The following ZNF727 variants were observed in gnomAD, a reference collection of about 807,000 sequenced individuals.
The protein encoded by ZNF727 is putative zinc finger protein 727.
A neutral mutation model predicts 11.5 loss-of-function variants in ZNF727; 11 were observed. The observed-to-expected ratio is 0.95, with a 90% CI of 0.60 to 1.58. The LOEUF is 1.58. ZNF727 is among the 40% of genes most tolerant of loss of function. ZNF727 has a pLI of 0.00. For synonymous variants in ZNF727, 171 were observed against 196.1 expected (o/e 0.87, Z 1.07); for missense variants, 533 against 581.7 (o/e 0.92, Z 0.86).
At chr7:64,070,998 GTT>G (rs544738234) in intron 3 of ZNF727, among the ~76,000 whole-genome samples, 1 of 151,248 alleles carries the variant, frequency 6.6e-6, no homozygotes, top group Non-Finnish European at 1.5e-5. Context: ...TATATACCAT[GTT>G]TTTTTTTTGT....
At position 64,078,677 on chromosome 7, in the gene ZNF727, A is replaced by C; in HGVS notation, c.*128A>C. ...CCTACATTTGTGAAGAATGTGGCAA[A>C]GCCTTTATCCGCTCCTCAACCCTTA... On this transcript the variant is annotated 3_prime_UTR_variant, in exon 4 of 4. Transcript: ENST00000456806. 1 of 1,304,944 alleles carries C rather than the reference A, an allele frequency of 7.7e-7. No individual in the cohort carries two copies. The highest frequency in any genetic ancestry group is 1.1e-6 in the Non-Finnish European group (1 of 908,250). 80.8% of individuals were successfully genotyped at this position (1,304,944 alleles called of 1,614,324 possible). A position where few individuals can be genotyped will look rare whatever the true frequency, so the allele number is the denominator to read the frequency against.
chr7:64,058,124 C>T (rs951957256), intron 1 of ZNF727, among the ~76,000 whole-genome samples: 2 of 152,254 alleles, frequency 1.3e-5, no homozygotes, highest in South Asian at 2.1e-4. Flanking sequence ...AGGACATGTG[C>T]GTGCCTGTGA....
chr7:64,073,202 T>C (rs1789989324), intron 3 of ZNF727, among the ~76,000 whole-genome samples: 3 of 152,004 alleles, frequency 2.0e-5, no homozygotes, highest in Admixed American at 1.3e-4. Context: ...CTGTATGACT[T>C]TTCCCCTGCA....
intron 1 of ZNF727, among the ~76,000 whole-genome samples, chr7:64,063,833 A>G (rs185470558): frequency 0.014 from 2,185 of 152,174 alleles, 25 homozygotes; most frequent in Non-Finnish European, 0.02. Context: ...CTGGCACCGA[A>G]GCCATGAGAC....
chr7:64,077,670 A>G lies in ZNF727; in HGVS notation c.621A>G (p.Lys207=). 1 of 1,559,416 alleles carries G rather than the reference A, an allele frequency of 6.4e-7. No individual in the cohort carries two copies. Among genetic ancestry groups the G allele is most frequent in the South Asian group, 1.2e-5 (1 of 84,762 alleles). ...DRSYKCEECG[K]ACKKFSNLTE... ...GTTACAAATGTGAAGAATGTGGCAA[A>G]GCCTGTAAAAAGTTCTCAAACCTTA... Residue 207 remains lysine (K), a synonymous_variant, in exon 4 of 4, where the codon AAA becomes AAG. Transcript: ENST00000456806.
chr7:64,084,234 T>C lies in ZNF727; in HGVS notation c.*5685T>C, dbSNP rs948275300. ...GTGATTAGGATAATATTCTGCATAG[T>C]AAGAGAAACAATTTGAATTTTAGAA... On this transcript the variant is annotated 3_prime_UTR_variant, in exon 4 of 4. Transcript: ENST00000456806. Among the ~76,000 whole-genome samples, 1 of 152,198 alleles carries C rather than the reference T, an allele frequency of 6.6e-6. No individual in the cohort carries two copies. The highest frequency in any genetic ancestry group is 2.4e-5 in the African/African-American group (1 of 41,454).
At position 64,077,561 on chromosome 7, in the gene ZNF727, A is replaced by G. The variant is rs755181318; in HGVS notation, c.512A>G (p.Lys171Arg). ...TEHKKIFSRE[K>R]CYKCEECGKD... ...CATAAGAAAATTTTTAGCAGAGAGAAATGCTACAAATGTGAAGAATGTGGC... is the reference window on the plus strand; with the variant it reads ...CATAAGAAAATTTTTAGCAGAGAGAGATGCTACAAATGTGAAGAATGTGGC... Residue 171 changes from lysine (K) to arginine (R), a missense_variant, in exon 4 of 4, where the codon AAA becomes AGA. Lys to Arg is a conservative substitution (Grantham distance 26). This residue lies in a region of ZNF727 where 463 missense variants were observed against 494.5 expected (regional missense o/e 0.94). Coordinates refer to ENST00000456806, the MANE Select transcript of ZNF727 (RefSeq NM_001159522.3). 3.4e-5 allele frequency: 52 copies of G among 1,551,350 alleles called. No homozygotes were observed. The South Asian group carries it at 5.9e-4, about 18-fold the overall frequency.
chr7:64,077,927 T>C lies in ZNF727; in HGVS notation c.878T>C (p.Phe293Ser), dbSNP rs757777569. The C allele has an allele frequency of 6.3e-7, 1 of 1,585,282 alleles. No individual in the cohort carries two copies. The highest frequency in any genetic ancestry group is 2.3e-5 in the East Asian group (1 of 43,116). The part of the protein sequence containing the change: ...PYKCKECHKA[F>S]RCCSDLTKHK... ...AAATGTAAAGAATGTCACAAAGCCT[T>C]TAGGTGTTGCTCAGACCTTACTAAA... Residue 293 changes from phenylalanine (F) to serine (S), a missense_variant, in exon 4 of 4, where the codon TTT becomes TCT. Physicochemically the swap from Phe to Ser is radical, Grantham distance 155. Transcript: ENST00000456806.
At chr7:64,053,457 A>AT (rs1789634291) in intron 1 of ZNF727, among the ~76,000 whole-genome samples, 1 of 152,102 alleles carries the variant, frequency 6.6e-6, no homozygotes, top group African/African-American at 2.4e-5. Flanking sequence ...AGTAGCCAGG[A>AT]TTACAGGTGT....
intron 1 of ZNF727, among the ~76,000 whole-genome samples, chr7:64,060,873 G>A (rs114085970): frequency 0.11 from 16,354 of 151,244 alleles, 1,074 homozygotes; most frequent in African/African-American, 0.17. Context: ...TCATAGCTAT[G>A]TTTTTCATTT....
At chr7:64,052,347 A>T (rs1789611884) in intron 1 of ZNF727, among the ~76,000 whole-genome samples, 1 of 148,798 alleles carries the variant, frequency 6.7e-6, no homozygotes, top group African/African-American at 2.5e-5. Flanking sequence ...ATGGTTTTTT[A>T]AACAGGAGTT....
At chr7:64,061,911 C>T (rs1472906854) in intron 1 of ZNF727, among the ~76,000 whole-genome samples, 1 of 151,792 alleles carries the variant, frequency 6.6e-6, no homozygotes, top group African/African-American at 2.4e-5. Context: ...CAAATAACAT[C>T]TTATAACCCA....
chr7:64,059,956 T>C (rs1226469258), intron 1 of ZNF727, among the ~76,000 whole-genome samples: 2 of 152,330 alleles, frequency 1.3e-5, no homozygotes, highest in East Asian at 3.9e-4. Context: ...AACCATTGCT[T>C]TGAAATGTAA....
Position 64,050,776 on chromosome 7 carries a change from ATGTGTGTGTGTGTGTG to A in ZNF727, c.3+5174_3+5189del, listed in dbSNP as rs10609208. On this transcript the variant is annotated intron_variant, in intron 1 of 3. Transcript: ENST00000456806. ...TATGTGTGTGTATGTATGCATATGT[ATGTGTGTGTGTGTGTG>A]TGTGTGTGTGTGTGTGTGTGTATGT... Among the ~76,000 whole-genome samples, 147 of 148,464 alleles carry A rather than the reference ATGTGTGTGTGTGTGTG, an allele frequency of 9.9e-4. 1 individual carries two copies. The highest frequency in any genetic ancestry group is 3.2e-3 in the African/African-American group (128 of 40,480).
At chr7:64,076,587 T>A (rs531270966) in intron 3 of ZNF727, among the ~76,000 whole-genome samples, 1 of 152,148 alleles carries the variant, frequency 6.6e-6, no homozygotes, top group South Asian at 2.1e-4. Context: ...GAGAGAGAAT[T>A]TGTCTCAAAA....
intron 1 of ZNF727, among the ~76,000 whole-genome samples, chr7:64,048,597 A>G (rs867906425): frequency 1.8e-4 from 28 of 152,222 alleles, no homozygotes; most frequent in Non-Finnish European, 3.5e-4. Flanking sequence ...ACACAATAAA[A>G]AAGTATTTGC....
At chr7:64,065,439 A>G (rs1351420140) in intron 1 of ZNF727, among the ~76,000 whole-genome samples, 1 of 152,180 alleles carries the variant, frequency 6.6e-6, no homozygotes, top group Non-Finnish European at 1.5e-5. Context: ...ATAAAAGACA[A>G]ACAAAGGCAG....
intron 1 of ZNF727, among the ~76,000 whole-genome samples, chr7:64,060,983 G>GT (rs1303433549): frequency 6.6e-6 from 1 of 151,932 alleles, no homozygotes; most frequent in African/African-American, 2.4e-5. Flanking sequence ...AGTTTCCAAA[G>GT]TTTTTTCTGT....
intron 3 of ZNF727, among the ~76,000 whole-genome samples, chr7:64,076,267 A>G (rs6979641): frequency 0.62 from 94,378 of 151,964 alleles, 30,018 homozygotes; most frequent in Non-Finnish European, 0.68. Flanking sequence ...TTGTATATTT[A>G]CTTTTTTATT....
Sources: allele counts gnomAD v4.1 joint callset (sites outside exome capture counted in the v4.1 genomes callset), GRCh38; gene constraint gnomAD v4.1.1; regional missense constraint gnomAD v4.1.1; transcripts MANE v1.5; gene names NCBI Gene and HGNC (gene_info 2026-07-23, HGNC 2026-07-21).